The following ENOX1 variants were observed in gnomAD, a reference collection of about 807,000 sequenced individuals.
ENOX1 encodes ecto-NOX disulfide-thiol exchanger 1, also known as candidate growth-related and time keeping constitutive hydroquinone (NADH) oxidase.
In ENOX1, 42 loss-of-function variants were observed where a neutral mutation model predicts 82.5. The ratio of observed to expected loss-of-function variants is 0.51; its 90% confidence interval spans 0.40 to 0.66. The LOEUF (loss-of-function observed/expected upper bound fraction) is 0.66. Among genes scored for constraint, ENOX1 ranks in the 30% least tolerant of loss-of-function variants. The pLI is 0.00. For missense variants in ENOX1, 608 were observed against 811.6 expected, an observed-to-expected ratio of 0.75 and a Z score of 3.05; for synonymous variants, 271 against 282.2, an observed-to-expected ratio of 0.96 and a Z score of 0.40.
At chr13:43,736,937 A>G (rs962593359) in intron 1 of ENOX1, among the ~76,000 whole-genome samples, 5 of 152,218 alleles carry the variant, frequency 3.3e-5, no homozygotes, top group Admixed American at 1.3e-4. Flanking sequence ...CTAGCCTTAA[A>G]TAGTCAATGT....
In ENOX1 at chr13:43,628,223, C is replaced by T. The variant is rs552708826; in HGVS notation, c.-219+39256G>A. Among the ~76,000 whole-genome samples the T allele has an allele frequency of 1.8e-3, 279 of 152,204 alleles. 1 individual carries two copies. The highest frequency in any genetic ancestry group is 6.2e-3 in the African/African-American group (259 of 41,546). ...CTCTTTCTCCTTCCTTCTGGGACTT[C>T]GATGCCGTGAATGTTAGATGTTTTG... is the stretch of plus-strand genomic sequence containing the variant. On this transcript the variant is annotated intron_variant, in intron 2 of 16. Coordinates refer to ENST00000690772, the MANE Select transcript of ENOX1 (RefSeq NM_001347969.2).
In ENOX1 at chr13:43,408,593, A is replaced by G. The variant is rs78796350; in HGVS notation, c.208+3323T>C. On this transcript the variant is annotated intron_variant, in intron 5 of 16. Transcript: ENST00000690772. ...AGGTGGCCAGCATGACACCTGAGCA[A>G]GCAGTGGCATCCGTGGCTCTATGGC... is the stretch of plus-strand genomic sequence containing the variant. 3.3e-3 allele frequency among the ~76,000 whole-genome samples: 506 copies of G among 152,328 alleles called. 2 individuals carry two copies. Among genetic ancestry groups the G allele is most frequent in the African/African-American group, 0.011 (471 of 41,566 alleles).
chr13:43,339,696 T>C (rs1002134966), intron 9 of ENOX1, among the ~76,000 whole-genome samples: 2 of 152,174 alleles, frequency 1.3e-5, no homozygotes, highest in East Asian at 3.9e-4. Context: ...GCACTGACAC[T>C]AAGGAGATCC....
chr13:43,478,867 A>G (rs920182061), intron 3 of ENOX1, among the ~76,000 whole-genome samples: 1 of 152,176 alleles, frequency 6.6e-6, no homozygotes, highest in African/African-American at 2.4e-5. Flanking sequence ...ATAGTAGTGA[A>G]TGATAATTTG....
At chr13:43,338,351 C>G (rs759552508) in intron 9 of ENOX1, among the ~76,000 whole-genome samples, 13 of 152,114 alleles carry the variant, frequency 8.5e-5, no homozygotes, top group Non-Finnish European at 1.5e-4. Context: ...AAAACTCCAA[C>G]GTCTCCGAGT....
intron 2 of ENOX1, among the ~76,000 whole-genome samples, chr13:43,659,965 T>C (rs1316155662): frequency 6.6e-6 from 1 of 152,222 alleles, no homozygotes; most frequent in East Asian, 1.9e-4. Flanking sequence ...AAACCTTCTG[T>C]TTTACCAACT....
At chr13:43,350,325 G>GC (rs1325260605) in intron 8 of ENOX1, among the ~76,000 whole-genome samples, 2 of 152,180 alleles carry the variant, frequency 1.3e-5, no homozygotes, top group Admixed American at 1.3e-4. Flanking sequence ...AAAAGACAGG[G>GC]CCCATGCTAC....
At chr13:43,236,349 C>T (rs1181076272) in intron 15 of ENOX1, among the ~76,000 whole-genome samples, 2 of 152,146 alleles carry the variant, frequency 1.3e-5, no homozygotes, top group African/African-American at 4.8e-5. Flanking sequence ...GTGACATGCC[C>T]AAGCTTTGAA....
intron 2 of ENOX1, chr13:43,544,463 G>A (rs1211079008): frequency 2.0e-5 from 3 of 152,092 alleles, no homozygotes; most frequent in Non-Finnish European, 1.5e-5. Flanking sequence ...CAGGCCTCTT[G>A]TTGTCTACTG....
intron 1 of ENOX1, among the ~76,000 whole-genome samples, chr13:43,727,865 A>T (rs532325940): frequency 6.6e-6 from 1 of 152,242 alleles, no homozygotes; most frequent in Admixed American, 6.5e-5. Flanking sequence ...TCAAAGTTTT[A>T]AAAAGGCTAA....
chr13:43,585,332 A>G (rs2080929164), intron 2 of ENOX1, among the ~76,000 whole-genome samples: 1 of 152,240 alleles, frequency 6.6e-6, no homozygotes. Context: ...AATTCAGCCC[A>G]TTGAAACCGG....
At chr13:43,274,575 T>C (rs988960072) in intron 12 of ENOX1, among the ~76,000 whole-genome samples, 2 of 152,240 alleles carry the variant, frequency 1.3e-5, no homozygotes, top group Non-Finnish European at 2.9e-5. Flanking sequence ...GCCTCAATTA[T>C]AGAAGTTCAT....
intron 3 of ENOX1, among the ~76,000 whole-genome samples, chr13:43,424,294 T>C (rs1323528793): frequency 6.6e-6 from 1 of 152,208 alleles, no homozygotes; most frequent in Non-Finnish European, 1.5e-5. Flanking sequence ...TATGTACTCA[T>C]TTTACACCTT....
chr13:43,297,209 A>G (rs369388962), intron 12 of ENOX1, among the ~76,000 whole-genome samples: 2 of 152,148 alleles, frequency 1.3e-5, no homozygotes, highest in East Asian at 3.9e-4. Context: ...CCAATCCGTG[A>G]TTCTTTTTTA....
At chr13:43,585,415 T>G (rs143360189) in intron 2 of ENOX1, among the ~76,000 whole-genome samples, 2 of 152,332 alleles carry the variant, frequency 1.3e-5, no homozygotes, top group African/African-American at 4.8e-5. Context: ...TTGGTGGCAA[T>G]TTGTTACAGC....
chr13:43,260,334 A>G (rs1011099714), intron 14 of ENOX1, among the ~76,000 whole-genome samples: 5 of 152,206 alleles, frequency 3.3e-5, no homozygotes, highest in African/African-American at 1.2e-4. Context: ...TGACAGTGGC[A>G]ACCTTCAGCA....
chr13:43,725,052 A>T (rs1493528), intron 1 of ENOX1, among the ~76,000 whole-genome samples: 108,057 of 151,946 alleles, frequency 0.71, 42,245 homozygotes, highest in South Asian at 0.88. Context: ...AGCCAAGGTA[A>T]AGTTCTCTGG....
At chr13:43,737,258 G>A (rs938479936) in intron 1 of ENOX1, among the ~76,000 whole-genome samples, 3 of 152,136 alleles carry the variant, frequency 2.0e-5, no homozygotes, top group Non-Finnish European at 2.9e-5. Context: ...TGCCACTTCC[G>A]GACTGAATGG....
chr13:43,305,765 A>G (rs2046822417), intron 11 of ENOX1, among the ~76,000 whole-genome samples: 2 of 152,252 alleles, frequency 1.3e-5, no homozygotes, highest in Admixed American at 1.3e-4. Flanking sequence ...AGCAAAGGAA[A>G]GAGACATGTT....
Sources: allele counts gnomAD v4.1 joint callset (sites outside exome capture counted in the v4.1 genomes callset), GRCh38; gene constraint gnomAD v4.1.1; transcripts MANE v1.5; gene names NCBI Gene and HGNC (gene_info 2026-07-23, HGNC 2026-07-21).